The following CFAP44 variants were observed in gnomAD, a reference collection of about 807,000 sequenced individuals.
CFAP44 encodes the protein cilia and flagella associated protein 44, also known as cilia- and flagella-associated protein 44.
In CFAP44, 134 loss-of-function variants were observed where a neutral mutation model predicts 216.2. That is an observed-to-expected ratio of 0.62 (90% CI 0.54 to 0.72). CFAP44 has a LOEUF of 0.72. CFAP44 is among the 30% of genes least tolerant of loss of function. The probability of loss-of-function intolerance (pLI) is 0.00; values close to 1 mark genes in which losing one functional copy is unlikely to be tolerated. For synonymous variants in CFAP44, 700 were observed against 727.6 expected (o/e 0.96, Z 0.61); for missense variants, 2,035 against 2,182.1 (o/e 0.93, Z 1.34).
At chr3:113,425,057 G>A (rs1934923458) in intron 4 of CFAP44, among the ~76,000 whole-genome samples, 1 of 152,016 alleles carries the variant, frequency 6.6e-6, no homozygotes, top group South Asian at 2.1e-4. Context: ...GGAAAAAAAG[G>A]CTAAAAGAAA....
At chr3:113,299,203 A>G (rs868050548) in intron 32 of CFAP44, among the ~76,000 whole-genome samples, 2 of 152,222 alleles carry the variant, frequency 1.3e-5, no homozygotes, top group South Asian at 4.1e-4. Flanking sequence ...AAGGAGCTTG[A>G]ACAACTCTAT....
At chr3:113,330,029 A>G in intron 26 of CFAP44, 139 bp downstream of exon 26, 1 of 1,026,136 alleles carries the variant, frequency 9.7e-7, no homozygotes, top group Non-Finnish European at 1.3e-6. Flanking sequence ...AAGCCAAGCC[A>G]TCACTGAGTG....
rs1949805071 is a variant in CFAP44, at chr3:113,289,258, C to T, written c.*2299G>A. The stretch of plus-strand genomic sequence containing the variant: ...ATTCAGTGTTAACTGTCGTCAATTC[C>T]CAAACATGCGGAATGAAGCCCTGAA... On this transcript the variant is annotated 3_prime_UTR_variant, in exon 35 of 35. Coordinates refer to ENST00000393845, the MANE Select transcript of CFAP44 (RefSeq NM_001164496.2). 1 of 152,184 alleles carries T rather than the reference C, an allele frequency of 6.6e-6. No homozygotes were observed. Among genetic ancestry groups the T allele is most frequent in the African/African-American group, 2.4e-5 (1 of 41,434 alleles). The allele number at this position is 152,184 out of a possible 1,614,324, so 9.4% of individuals were successfully genotyped here. A position where few individuals can be genotyped will look rare whatever the true frequency, so the allele number is the denominator to read the frequency against.
chr3:113,433,623 T>C lies in CFAP44; in HGVS notation c.42A>G (p.Ser14=). 3 of 1,613,478 alleles carry C rather than the reference T, an allele frequency of 1.9e-6. No homozygotes were observed. The South Asian group carries it at 3.3e-5, about 18-fold the overall frequency. The change falls in exon 2 of 35, where the codon TCA becomes TCG. Residue 14 remains serine, a synonymous_variant. Transcript: ENST00000393845. ...TCTTCCCATCACTCTTTGATGTAACTGATTTCTCCCCATCAGTATCCTGAT... is the reference window on the plus strand; with the variant it reads ...TCTTCCCATCACTCTTTGATGTAACCGATTTCTCCCCATCAGTATCCTGAT... The part of the protein sequence containing the change: ...PDDQDTDGEK[S]VTSKSDGKKS...
intron 5 of CFAP44, 144 bp from the exon 6 acceptor site, chr3:113,416,771 T>C: frequency 1.8e-6 from 1 of 569,076 alleles, no homozygotes; most frequent in Non-Finnish European, 3.1e-6. Context: ...ATCAGATAAA[T>C]ATTTAATGAT....
intron 25 of CFAP44, 132 bp from the exon 26 acceptor site, chr3:113,330,800 T>C: frequency 8.0e-7 from 1 of 1,242,856 alleles, no homozygotes; most frequent in Non-Finnish European, 1.1e-6. Context: ...GATCATACCT[T>C]TTTACCACCA....
intron 1 of CFAP44, chr3:113,434,090 G>A (rs1371927433): frequency 1.3e-5 from 2 of 159,570 alleles, no homozygotes; most frequent in Non-Finnish European, 2.8e-5. Context: ...CACCTGCAGT[G>A]TATCAAGTCT....
intron 24 of CFAP44, among the ~76,000 whole-genome samples, chr3:113,336,330 C>T (rs750970434): frequency 1.3e-5 from 2 of 151,546 alleles, no homozygotes; most frequent in Non-Finnish European, 3.0e-5. Flanking sequence ...CTGGAATGAT[C>T]AAGAAAAAGA....
chr3:113,327,974 T>C (rs998217365), intron 26 of CFAP44, among the ~76,000 whole-genome samples, 155 bp from the exon 27 acceptor site: 1 of 152,188 alleles, frequency 6.6e-6, no homozygotes. Flanking sequence ...ATAAATTCAT[T>C]AATGGCATTA....
At chr3:113,302,357 C>T (rs1949943132) in intron 32 of CFAP44, among the ~76,000 whole-genome samples, 1 of 148,720 alleles carries the variant, frequency 6.7e-6, no homozygotes, top group Admixed American at 6.8e-5. Context: ...AAGACACACA[C>T]ACATACACAT....
chr3:113,336,585 A>G (rs975562544), intron 24 of CFAP44, among the ~76,000 whole-genome samples: 1 of 152,074 alleles, frequency 6.6e-6, no homozygotes, highest in African/African-American at 2.4e-5. Flanking sequence ...TCCCTCAAAG[A>G]ATACTTACAG....
intron 28 of CFAP44, among the ~76,000 whole-genome samples, chr3:113,311,385 C>A (rs1438303839): frequency 6.6e-6 from 1 of 152,136 alleles, no homozygotes; most frequent in South Asian, 2.1e-4. Flanking sequence ...GGGCAGTTTC[C>A]CCCATACTGT....
chr3:113,429,716 C>T (rs962894403), intron 2 of CFAP44, among the ~76,000 whole-genome samples: 3 of 152,002 alleles, frequency 2.0e-5, no homozygotes, highest in Non-Finnish European at 2.9e-5. Context: ...TCCTACCTGT[C>T]CTTTTTCCCT....
rs183766507 is a variant in CFAP44 at position 113,385,475 on chromosome 3, T to A, written c.1891-4415A>T. Among the ~76,000 whole-genome samples, 1,076 of 152,314 alleles carry A rather than the reference T, an allele frequency of 7.1e-3. 6 individuals are homozygous for A. Among genetic ancestry groups the A allele is most frequent in the Middle Eastern group, 0.02 (6 of 294 alleles). On this transcript the variant is annotated intron_variant, in intron 15 of 34. Coordinates refer to ENST00000393845, the MANE Select transcript of CFAP44 (RefSeq NM_001164496.2). ...ATATTTTATGATTTTCTTTCTTTTT[T>A]AAAAAACTTCATTGTATGTGGTAAA...
chr3:113,348,504 T>C (rs1015539692), intron 22 of CFAP44, among the ~76,000 whole-genome samples: 3 of 152,202 alleles, frequency 2.0e-5, no homozygotes, highest in Non-Finnish European at 4.4e-5. Flanking sequence ...TTTCTTTTCA[T>C]TGAAGGAGAA....
intron 15 of CFAP44, among the ~76,000 whole-genome samples, chr3:113,381,354 T>C (rs965932124): frequency 3.3e-5 from 5 of 152,236 alleles, no homozygotes; most frequent in Non-Finnish European, 7.3e-5. Flanking sequence ...ATATGTTTTC[T>C]GATTTTCTGA....
intron 2 of CFAP44, among the ~76,000 whole-genome samples, chr3:113,432,410 A>G (rs1456031745): frequency 6.6e-6 from 1 of 152,226 alleles, no homozygotes; most frequent in African/African-American, 2.4e-5. Flanking sequence ...CATAACTTAA[A>G]AAGTCAAGTA....
intron 28 of CFAP44, among the ~76,000 whole-genome samples, chr3:113,322,073 T>TAA (rs1452086590): frequency 6.6e-6 from 1 of 152,192 alleles, no homozygotes; most frequent in Non-Finnish European, 1.5e-5. Flanking sequence ...AATGCAATCC[T>TAA]AAAGATAATC....
chr3:113,295,222 C>T (rs1204863060), intron 33 of CFAP44, among the ~76,000 whole-genome samples: 1 of 152,170 alleles, frequency 6.6e-6, no homozygotes, highest in Non-Finnish European at 1.5e-5. Context: ...CTTGAGTGGC[C>T]ACACATCTGT....
Sources: gnomAD v4.1 joint callset for allele counts (sites outside exome capture counted in the v4.1 genomes callset) on GRCh38, gnomAD v4.1.1 for gene constraint, MANE v1.5 for transcripts, NCBI Gene and HGNC (gene_info 2026-07-23, HGNC 2026-07-21) for gene names.